The following TBC1D5 variants were observed in gnomAD, a reference collection of about 807,000 sequenced individuals.
TBC1D5 encodes the protein TBC1 domain family, member 5.
In TBC1D5, 75 loss-of-function variants were observed where a neutral mutation model predicts 100.3. The ratio of observed to expected loss-of-function variants is 0.75; its 90% confidence interval spans 0.62 to 0.91. The LOEUF (loss-of-function observed/expected upper bound fraction) is 0.91, where lower values mean the gene tolerates loss of function less well. TBC1D5 is among the 40% of genes least tolerant of loss of function. TBC1D5 has a pLI of 0.00. For missense variants in TBC1D5, 910 were observed against 942.4 expected (o/e 0.97, Z 0.45); for synonymous variants, 323 against 325.6 (o/e 0.99, Z 0.09).
intron 1 of TBC1D5, among the ~76,000 whole-genome samples, chr3:17,711,740 A>C (rs2074755895): frequency 6.6e-6 from 1 of 152,180 alleles, no homozygotes; most frequent in Non-Finnish European, 1.5e-5. Context: ...CAATGTATAA[A>C]TATGCCATAA....
chr3:17,194,383 T>C (rs959063582), intron 18 of TBC1D5, among the ~76,000 whole-genome samples: 2 of 152,188 alleles, frequency 1.3e-5, no homozygotes, highest in Admixed American at 1.3e-4. Flanking sequence ...CAGGAGAGCC[T>C]TCCAATCTCC....
intron 14 of TBC1D5, among the ~76,000 whole-genome samples, chr3:17,307,562 T>A (rs1400711125): frequency 2.0e-5 from 3 of 152,192 alleles, no homozygotes. Flanking sequence ...TTTAAATGTA[T>A]TTGTTTTTTT....
At chr3:17,513,886 G>A (rs372599644) in intron 2 of TBC1D5, among the ~76,000 whole-genome samples, 2 of 152,232 alleles carry the variant, frequency 1.3e-5, no homozygotes, top group Admixed American at 6.5e-5. Flanking sequence ...TAGAAGCTAC[G>A]TTTTCACAAT....
At chr3:17,559,934 C>A (rs2096547733) in intron 2 of TBC1D5, among the ~76,000 whole-genome samples, 1 of 152,062 alleles carries the variant, frequency 6.6e-6, no homozygotes, top group South Asian at 2.1e-4. Context: ...ATTAGATAAT[C>A]AAATTGAAAC....
At chr3:17,366,332 C>G (rs1381525215) in intron 13 of TBC1D5, among the ~76,000 whole-genome samples, 2 of 151,028 alleles carry the variant, frequency 1.3e-5, no homozygotes, top group African/African-American at 4.9e-5. Context: ...AAAAAACAAA[C>G]AAAAAAAAGG....
intron 17 of TBC1D5, among the ~76,000 whole-genome samples, chr3:17,224,568 C>G (rs2074640703): frequency 6.6e-6 from 1 of 152,056 alleles, no homozygotes; most frequent in Non-Finnish European, 1.5e-5. Context: ...CTAGGGGATA[C>G]CATGTTAGAC....
At chr3:17,703,684 A>C (rs2073528483) in intron 1 of TBC1D5, among the ~76,000 whole-genome samples, 1 of 152,160 alleles carries the variant, frequency 6.6e-6, no homozygotes, top group Non-Finnish European at 1.5e-5. Flanking sequence ...AGAACAGGGG[A>C]TCACAAGCTT....
chr3:17,665,272 C>T (rs745591260), intron 1 of TBC1D5, among the ~76,000 whole-genome samples: 1 of 152,180 alleles, frequency 6.6e-6, no homozygotes, highest in Non-Finnish European at 1.5e-5. Flanking sequence ...ATGAAAACCA[C>T]ATGTCCTCTT....
At chr3:17,704,265 A>G (rs1464979514) in intron 1 of TBC1D5, among the ~76,000 whole-genome samples, 1 of 144,262 alleles carries the variant, frequency 6.9e-6, no homozygotes, top group Non-Finnish European at 1.5e-5. Context: ...CAGGATCCCA[A>G]GGCAGAGGAA....
intron 16 of TBC1D5, among the ~76,000 whole-genome samples, chr3:17,245,737 T>C (rs965142523): frequency 2.0e-4 from 30 of 152,324 alleles, no homozygotes; most frequent in African/African-American, 6.5e-4. Flanking sequence ...GATATACATA[T>C]AGGAAAAGAA....
chr3:17,704,709 C>A (rs1200422349), intron 1 of TBC1D5, among the ~76,000 whole-genome samples: 9 of 52,758 alleles, frequency 1.7e-4, no homozygotes, highest in Admixed American at 3.8e-4. Flanking sequence ...CCGACCCCCC[C>A]ACCTCCCTCC....
chr3:17,675,357 G>C (rs750266410), intron 1 of TBC1D5, among the ~76,000 whole-genome samples: 2 of 152,062 alleles, frequency 1.3e-5, no homozygotes, highest in East Asian at 3.9e-4. Flanking sequence ...AGCTGAACTA[G>C]TAGAAACTCC....
In TBC1D5 at chr3:17,467,032, A is replaced by T. The variant is rs534801625; in HGVS notation, c.98-38513T>A. ...TACAAAGTATTCACCTTTAATTATT[A>T]ATAGTGGGTATGACAACTGATTTCT... On this transcript the variant is annotated intron_variant, in intron 3 of 21. Transcript: ENST00000253692. Among the ~76,000 whole-genome samples the T allele has an allele frequency of 2.6e-5, 4 of 152,276 alleles. No individual in the cohort carries two copies. The South Asian group carries it at 8.3e-4, about 32-fold the overall frequency.
intron 1 of TBC1D5, among the ~76,000 whole-genome samples, chr3:17,694,127 A>C (rs1310305114): frequency 6.6e-6 from 1 of 152,270 alleles, no homozygotes; most frequent in Non-Finnish European, 1.5e-5. Context: ...ATAAAATCAC[A>C]AAGATGGGGA....
chr3:17,696,854 A>G (rs146148002), intron 1 of TBC1D5, among the ~76,000 whole-genome samples: 43 of 152,358 alleles, frequency 2.8e-4, no homozygotes, highest in African/African-American at 9.9e-4. Flanking sequence ...GAAAATTCTC[A>G]ATAAAATACT....
At chr3:17,528,305 T>C (rs1023662722) in intron 2 of TBC1D5, among the ~76,000 whole-genome samples, 4 of 152,226 alleles carry the variant, frequency 2.6e-5, no homozygotes, top group African/African-American at 9.6e-5. Context: ...ATAAGGTTAA[T>C]GCTTATTAAA....
chr3:17,345,975 C>T (rs1383518275), intron 13 of TBC1D5, among the ~76,000 whole-genome samples: 3 of 151,630 alleles, frequency 2.0e-5, no homozygotes, highest in Admixed American at 6.6e-5. Context: ...TGCTAAATGA[C>T]GAGTTAATGG....
chr3:17,178,785 A>G (rs370658169), intron 19 of TBC1D5, among the ~76,000 whole-genome samples: 1 of 152,160 alleles, frequency 6.6e-6, no homozygotes. Context: ...GACTACAGAC[A>G]TATGCCACCA....
At chr3:17,164,979 A>G (rs1305043813) in intron 21 of TBC1D5, among the ~76,000 whole-genome samples, 1 of 151,956 alleles carries the variant, frequency 6.6e-6, no homozygotes, top group Non-Finnish European at 1.5e-5. Flanking sequence ...ATGGCAGAGA[A>G]GAGGTAGAGA....
Sources: allele counts gnomAD v4.1 joint callset (sites outside exome capture counted in the v4.1 genomes callset), GRCh38; gene constraint gnomAD v4.1.1; transcripts MANE v1.5; gene names NCBI Gene and HGNC (gene_info 2026-07-23, HGNC 2026-07-21).